STK32B: variants seen among roughly 807,000 people sequenced by gnomAD.
STK32B encodes serine/threonine-protein kinase 32B.
Under a neutral mutation model 52.6 loss-of-function variants are expected in STK32B, and 43 were observed. The ratio of observed to expected loss-of-function variants is 0.82; its 90% CI spans 0.64 to 1.05. The LOEUF (loss-of-function observed/expected upper bound fraction) is 1.05. Among genes scored for constraint, STK32B ranks in the 50% least tolerant of loss-of-function variants. STK32B has a pLI of 0.00. For synonymous variants in STK32B, 238 were observed against 204.3 expected (o/e 1.17, Z -1.41); for missense variants, 621 against 534.6 (o/e 1.16, Z -1.59).
chr4:5,439,744 G>A (rs1268876537), intron 6 of STK32B, among the ~76,000 whole-genome samples: 11 of 152,188 alleles, frequency 7.2e-5, no homozygotes, highest in Middle Eastern at 3.4e-3. Flanking sequence ...TAGGTCTAAC[G>A]TTTAAGTCTT....
chr4:5,433,073 C>A (rs924781316), intron 6 of STK32B, among the ~76,000 whole-genome samples: 2 of 152,048 alleles, frequency 1.3e-5, no homozygotes, highest in Non-Finnish European at 2.9e-5. Context: ...TCAGGGGCAG[C>A]TGGAGTTGGG....
rs1717545104 is a variant in STK32B at position 5,467,583 on chromosome 4, T to TG, written c.1042-417dup. Among the ~76,000 whole-genome samples the TG allele has an allele frequency of 6.6e-6, 1 of 152,116 alleles. No individual in the cohort carries two copies. Among genetic ancestry groups the TG allele is most frequent in the African/African-American group, 2.4e-5 (1 of 41,428 alleles). Reference sequence around the variant, plus strand: ...CAAATAACGTCATGTTTATAAGTACTGGGGGGCTGGGACTCAAGATACCTT... The same window carrying TG: ...CAAATAACGTCATGTTTATAAGTACTGGGGGGGCTGGGACTCAAGATACCTT... On this transcript the variant is annotated intron_variant, in intron 10 of 11. Coordinates refer to ENST00000282908, the MANE Select transcript of STK32B (RefSeq NM_018401.3). This position sits in a 1 kb window ranked among gnomAD's most constrained non-coding sequence, Gnocchi z 5.8.
intron 4 of STK32B, among the ~76,000 whole-genome samples, chr4:5,361,987 C>T (rs1032865055): frequency 2.6e-5 from 4 of 152,166 alleles, no homozygotes; most frequent in African/African-American, 9.7e-5. Flanking sequence ...GAGGTTGCTT[C>T]CTTTTTTCAC....
chr4:5,420,116 G>T (rs1712500288), intron 6 of STK32B, among the ~76,000 whole-genome samples: 1 of 152,054 alleles, frequency 6.6e-6, no homozygotes, highest in African/African-American at 2.4e-5. Flanking sequence ...TAGGAGGTTG[G>T]GTGACTTCCC....
At position 5,396,021 on chromosome 4, in the gene STK32B, G is replaced by A; in HGVS notation, c.435-2186G>A. ...TGCTGTCATTAATGGGGCCCTAGCT[G>A]CCCTTTGAGGTTTGCCCTCAACTCT... On this transcript the variant is annotated intron_variant, in intron 4 of 11. Coordinates refer to ENST00000282908, the MANE Select transcript of STK32B (RefSeq NM_018401.3). This position sits in a 1 kb window ranked among gnomAD's most constrained non-coding sequence, Gnocchi z 4.7. 6.6e-6 allele frequency among the ~76,000 whole-genome samples: 1 copy of A among 152,236 alleles called. No individual in the cohort carries two copies. The highest frequency in any genetic ancestry group is 1.9e-4 in the East Asian group (1 of 5,190).
intron 6 of STK32B, among the ~76,000 whole-genome samples, chr4:5,429,270 T>G (rs1245610224): frequency 6.6e-6 from 1 of 152,206 alleles, no homozygotes. Flanking sequence ...CATTGATATT[T>G]AGACCACTTA....
At chr4:5,133,530 C>T (rs1158814348) in intron 1 of STK32B, among the ~76,000 whole-genome samples, 2 of 148,394 alleles carry the variant, frequency 1.3e-5, no homozygotes, top group Non-Finnish European at 2.9e-5. Context: ...ACCTGCCTGG[C>T]ACCTGGATTC....
intron 3 of STK32B, among the ~76,000 whole-genome samples, chr4:5,329,751 A>G (rs1384138021): frequency 1.3e-5 from 2 of 152,206 alleles, no homozygotes; most frequent in East Asian, 3.9e-4. Context: ...CGCAATAAAC[A>G]GCCCCCTTCC....
intron 4 of STK32B, among the ~76,000 whole-genome samples, chr4:5,391,551 T>G (rs2109036853): frequency 6.6e-6 from 1 of 152,104 alleles, no homozygotes; most frequent in Non-Finnish European, 1.5e-5. Context: ...GGGTCAGAGT[T>G]CAGTAGGGAA....
chr4:5,066,341 A>T lies in STK32B; in HGVS notation c.52+14426A>T, dbSNP rs113987918. ...CAGCCACACCAACCTCAGTTCAAAC[A>T]TCACGTTTCATGTGGACTCTCCTGG... On this transcript the variant is annotated intron_variant, in intron 1 of 11. Transcript: ENST00000282908. Among the ~76,000 whole-genome samples, 1,142 of 152,214 alleles carry T rather than the reference A, an allele frequency of 7.5e-3. 17 individuals are homozygous for T. The highest frequency in any genetic ancestry group is 0.026 in the African/African-American group (1,067 of 41,526).
intron 11 of STK32B, among the ~76,000 whole-genome samples, chr4:5,496,055 C>T (rs955983615): frequency 6.6e-6 from 1 of 152,236 alleles, no homozygotes; most frequent in Non-Finnish European, 1.5e-5. Flanking sequence ...AGGCAGTCTG[C>T]CTGTTCTCAG....
chr4:5,165,959 C>G (rs1244102111), intron 2 of STK32B, among the ~76,000 whole-genome samples: 1 of 152,204 alleles, frequency 6.6e-6, no homozygotes, highest in Non-Finnish European at 1.5e-5. Flanking sequence ...TGTTTGGTTT[C>G]ACCCCAGTGG....
At chr4:5,039,850 C>T in the STK32B span, among the ~76,000 whole-genome samples, 1 of 152,174 alleles carries the variant, frequency 6.6e-6, no homozygotes, top group Non-Finnish European at 1.5e-5. Flanking sequence ...TCCATTGCTG[C>T]CCAAAATGTC....
the STK32B span, among the ~76,000 whole-genome samples, chr4:5,043,737 C>T: frequency 6.6e-6 from 1 of 152,228 alleles, no homozygotes; most frequent in African/African-American, 2.4e-5. Context: ...GAGAAGCAGT[C>T]GGTGCACACG....
chr4:5,349,273 A>T (rs1423989150), intron 4 of STK32B, among the ~76,000 whole-genome samples: 1 of 152,198 alleles, frequency 6.6e-6, no homozygotes, highest in East Asian at 1.9e-4. Flanking sequence ...AATGTGGCCC[A>T]AAGACTGGCC....
At chr4:5,337,726 G>A (rs113666415) in intron 4 of STK32B, among the ~76,000 whole-genome samples, 2,385 of 152,110 alleles carry the variant, frequency 0.016, 33 homozygotes, top group Non-Finnish European at 0.026. Context: ...AAAAAACTCA[G>A]TAAAAATAAC....
intron 1 of STK32B, among the ~76,000 whole-genome samples, chr4:5,123,686 A>G (rs1020273333): frequency 1.3e-5 from 2 of 152,126 alleles, no homozygotes; most frequent in African/African-American, 2.4e-5. Context: ...CAAGGACTCC[A>G]GTCATATTGG....
chr4:5,421,379 C>G (rs896490989), intron 6 of STK32B, among the ~76,000 whole-genome samples: 5 of 152,248 alleles, frequency 3.3e-5, no homozygotes, highest in African/African-American at 7.2e-5. Context: ...CATGAGCCAC[C>G]ATGCCTGGCT....
intron 4 of STK32B, among the ~76,000 whole-genome samples, chr4:5,344,946 T>C (rs2108976184): frequency 6.6e-6 from 1 of 151,914 alleles, no homozygotes; most frequent in Non-Finnish European, 1.5e-5. Flanking sequence ...GAGGCTGAGA[T>C]GGGAGGATCA....
Sources: allele counts gnomAD v4.1 joint callset (sites outside exome capture counted in the v4.1 genomes callset), GRCh38; gene constraint gnomAD v4.1.1; non-coding constraint Gnocchi (gnomAD v3.1); transcripts MANE v1.5; gene names NCBI Gene and HGNC (gene_info 2026-07-23, HGNC 2026-07-21).